Variants in PKHD1L1 observed in about 807,000 individuals in gnomAD.
The protein encoded by PKHD1L1 is fibrocystin-L.
Under a neutral mutation model 462.9 loss-of-function variants are expected in PKHD1L1, and 434 were observed. The observed-to-expected ratio is 0.94, with a 90% CI of 0.87 to 1.02. The LOEUF (loss-of-function observed/expected upper bound fraction) is 1.02, where lower values mean the gene tolerates loss of function less well. Among genes scored for constraint, PKHD1L1 ranks in the 50% least tolerant of loss-of-function variants. The pLI is 0.00. For synonymous variants in PKHD1L1, 1,781 were observed against 1,750.0 expected (o/e 1.02, Z -0.44); for missense variants, 5,202 against 5,096.1 (o/e 1.02, Z -0.63).
intron 19 of PKHD1L1, 89 bp from the exon 20 acceptor site, chr8:109,412,176 G>A: frequency 7.4e-7 from 1 of 1,357,084 alleles, no homozygotes; most frequent in South Asian, 1.4e-5. Flanking sequence ...TGGGATCTGG[G>A]TTGAACCTTG....
rs1563637945 is a variant in PKHD1L1, at chr8:109,522,807, C to G, written c.12247C>G (p.Leu4083Val). 1 of 1,612,602 alleles carries G rather than the reference C, an allele frequency of 6.2e-7. No individual in the cohort carries two copies. Among genetic ancestry groups the G allele is most frequent in the Non-Finnish European group, 8.5e-7 (1 of 1,179,478 alleles). The change falls in exon 75 of 78, where the codon CTC becomes GTC. Residue 4083 changes from leucine to valine, a missense_variant. Leu to Val is a conservative substitution (Grantham distance 32). Coordinates refer to ENST00000378402, the MANE Select transcript of PKHD1L1 (RefSeq NM_177531.6). ...TCATCACGTGGCCTTCGTGTCCTCA[C>G]TCTTAGTGATCACTCAGCCGGTGGC... is the stretch of plus-strand genomic sequence containing the variant. ...PVHHVAFVSS[L>V]LVITQPVAAQ...
At chr8:109,388,445 A>G in intron 6 of PKHD1L1, 52 bp from the exon 7 acceptor site, 1 of 1,340,774 alleles carries the variant, frequency 7.5e-7, no homozygotes, top group Non-Finnish European at 1.0e-6. Context: ...TGCATTTTTG[A>G]AACAATTTGT....
At chr8:109,483,327 A>C (rs1377464402) in intron 57 of PKHD1L1, among the ~76,000 whole-genome samples, 1 of 151,096 alleles carries the variant, frequency 6.6e-6, no homozygotes, top group African/African-American at 2.4e-5. Context: ...GTGTGTGTGC[A>C]TATAATACAT....
intron 1 of PKHD1L1, 32 bp downstream of exon 1, chr8:109,362,685 A>C (rs1273514269): frequency 6.4e-7 from 1 of 1,566,870 alleles, no homozygotes; most frequent in South Asian, 1.2e-5. Flanking sequence ...GCAGGCAAGC[A>C]GGAGAGGCCC....
chr8:109,370,561 G>A (rs1811451428), intron 2 of PKHD1L1, among the ~76,000 whole-genome samples: 1 of 151,486 alleles, frequency 6.6e-6, no homozygotes, highest in East Asian at 1.9e-4. Context: ...ACAACGTGCA[G>A]GTTTGTTACA....
chr8:109,375,933 G>C (rs1811796808), intron 2 of PKHD1L1, among the ~76,000 whole-genome samples: 2 of 152,210 alleles, frequency 1.3e-5, no homozygotes, highest in Non-Finnish European at 2.9e-5. Flanking sequence ...CTCCCAGTTA[G>C]GCTACTCAGG....
intron 67 of PKHD1L1, among the ~76,000 whole-genome samples, chr8:109,503,317 A>AACAAAC (rs1424416107): frequency 1.8e-5 from 1 of 56,450 alleles, no homozygotes; most frequent in African/African-American, 6.7e-5. Context: ...AAAACAAACA[A>AACAAAC]AAAAAAAACA....
intron 50 of PKHD1L1, chr8:109,470,773 T>C: frequency 3.3e-6 from 5 of 1,531,160 alleles, no homozygotes; most frequent in Non-Finnish European, 3.6e-6. Context: ...GGACTGTTTT[T>C]TCATAAATCA....
chr8:109,436,443 C>A lies in PKHD1L1; in HGVS notation c.3611C>A (p.Thr1204Asn), dbSNP rs749291932. 6 of 1,612,332 alleles carry A rather than the reference C, an allele frequency of 3.7e-6. No homozygotes were observed. The highest frequency in any genetic ancestry group is 5.1e-6 in the Non-Finnish European group (6 of 1,179,484). Residue 1204 changes from threonine (T) to asparagine (N), a missense_variant, in exon 30 of 78, where the codon ACC becomes AAC. Physicochemically the swap from Thr to Asn is moderately conservative, Grantham distance 65. This residue lies in a region of PKHD1L1 where 4,497 missense variants were observed against 4,336.8 expected (regional missense o/e 1.04). Coordinates refer to ENST00000378402, the MANE Select transcript of PKHD1L1 (RefSeq NM_177531.6). ...NVIEGDLNRI[T>N]CRTPKKTEGT... ...ATTGAAGGGGATTTGAATAGGATAACCTGCAGGACACCAAAAGTAAGGCCT... is the reference window on the plus strand; with the variant it reads ...ATTGAAGGGGATTTGAATAGGATAAACTGCAGGACACCAAAAGTAAGGCCT...
chr8:109,465,316 T>C, intron 49 of PKHD1L1, 71 bp downstream of exon 49: 1 of 1,493,452 alleles, frequency 6.7e-7, no homozygotes, highest in Non-Finnish European at 9.0e-7. Flanking sequence ...AATTGAATTG[T>C]TAAAGCAGAC....
intron 58 of PKHD1L1, among the ~76,000 whole-genome samples, chr8:109,485,824 TGAAAA>T (rs1818496212): frequency 6.6e-6 from 1 of 151,926 alleles, no homozygotes; most frequent in Non-Finnish European, 1.5e-5. Flanking sequence ...AAAAAGAAAT[TGAAAA>T]GAACTTCTCA....
chr8:109,406,406 G>T lies in PKHD1L1; in HGVS notation c.1741G>T (p.Asp581Tyr). ...GAATGACCTCTGGTCTATAAAACCG[G>T]ACACAGTTCAAGTAATAAGAACACA... ...ALNDLWSIKPDTVQVIRTQNP... is the reference protein window; with the variant it reads ...ALNDLWSIKPYTVQVIRTQNP... The change falls in exon 17 of 78, where the codon GAC becomes TAC. Residue 581 changes from aspartate to tyrosine, a missense_variant. Physicochemically the swap from Asp to Tyr is radical, Grantham distance 160. Coordinates refer to ENST00000378402, the MANE Select transcript of PKHD1L1 (RefSeq NM_177531.6). 1 of 1,585,442 alleles carries T rather than the reference G, an allele frequency of 6.3e-7. No homozygotes were observed. The highest frequency in any genetic ancestry group is 1.2e-5 in the South Asian group (1 of 86,592).
chr8:109,375,054 C>T (rs1245499009), intron 2 of PKHD1L1, among the ~76,000 whole-genome samples: 2 of 152,138 alleles, frequency 1.3e-5, no homozygotes, highest in Non-Finnish European at 2.9e-5. Flanking sequence ...GCCTGCCTTG[C>T]TAGATTGGGG....
intron 38 of PKHD1L1, among the ~76,000 whole-genome samples, chr8:109,445,982 G>A (rs750819289): frequency 6.6e-6 from 1 of 151,708 alleles, no homozygotes; most frequent in African/African-American, 2.4e-5. Flanking sequence ...AGAAACTCTA[G>A]TTAAAAATCA....
At chr8:109,386,407 A>G (rs1026096004) in intron 6 of PKHD1L1, among the ~76,000 whole-genome samples, 4 of 152,210 alleles carry the variant, frequency 2.6e-5, no homozygotes, top group African/African-American at 9.6e-5. Flanking sequence ...GTAAATGGAT[A>G]AGTTAAACAA....
In PKHD1L1 at chr8:109,536,365, C is replaced by T. The variant is rs1344447798; in HGVS notation, c.*6275C>T. On this transcript the variant is annotated 3_prime_UTR_variant, in exon 78 of 78. Transcript: ENST00000378402. ...AGTCACGATGTCCATCATGCTGTAG[C>T]TCAATGAATGAGTCTCACATTGTTT... Among the ~76,000 whole-genome samples the T allele has an allele frequency of 6.6e-6, 1 of 152,198 alleles. No homozygotes were observed. Among genetic ancestry groups the T allele is most frequent in the Non-Finnish European group, 1.5e-5 (1 of 68,048 alleles).
chr8:109,398,062 T>C (rs2130522873), intron 11 of PKHD1L1, among the ~76,000 whole-genome samples: 1 of 152,296 alleles, frequency 6.6e-6, no homozygotes, highest in Non-Finnish European at 1.5e-5. Context: ...TTTTTTCTAC[T>C]GAAGAGGTCT....
At chr8:109,507,940 GAAACA>G in intron 69 of PKHD1L1, 45 bp downstream of exon 69, 1 of 1,582,568 alleles carries the variant, frequency 6.3e-7, no homozygotes, top group Admixed American at 1.7e-5. Context: ...TTAAACTCAT[GAAACA>G]AAATATGTTT....
rs1812397107 is a variant in PKHD1L1 at position 109,385,574 on chromosome 8, T to C, written c.513T>C (p.Asp171=). The C allele has an allele frequency of 1.9e-6, 3 of 1,606,722 alleles. No individual in the cohort carries two copies. Among genetic ancestry groups the C allele is most frequent in the Non-Finnish European group, 2.6e-6 (3 of 1,175,612 alleles). The change falls in exon 6 of 78, where the codon GAT becomes GAC. Residue 171 remains aspartate, a synonymous_variant. Transcript: ENST00000378402. ...CAATCCAAGGCAGAATCTTCACTGA[T>C]GTCTATGGAAGTAATATTGCACTAA... ...LITIQGRIFT[D]VYGSNIALSS... is the part of the protein sequence containing the mutation.
Sources: allele counts gnomAD v4.1 joint callset (sites outside exome capture counted in the v4.1 genomes callset), GRCh38; gene constraint gnomAD v4.1.1; regional missense constraint gnomAD v4.1.1; transcripts MANE v1.5; gene names NCBI Gene and HGNC (gene_info 2026-07-23, HGNC 2026-07-21).